LRP2: variants seen among roughly 807,000 people sequenced by gnomAD.
LRP2 encodes low-density lipoprotein receptor-related protein 2.
In LRP2, 172 loss-of-function variants were observed where a neutral mutation model predicts 531.0. The ratio of observed to expected loss-of-function variants is 0.32; its 90% CI spans 0.29 to 0.37. The LOEUF (loss-of-function observed/expected upper bound fraction) is 0.37, where lower values mean the gene tolerates loss of function less well. Ranked by LOEUF, LRP2 falls within the 10% of genes least tolerant of loss-of-function variation. The probability of loss-of-function intolerance (pLI) is 1.00; values close to 1 mark genes in which losing one functional copy is unlikely to be tolerated. For missense variants in LRP2, 5,167 were observed against 5,868.3 expected, an observed-to-expected ratio of 0.88 and a Z score of 3.90; for synonymous variants, 1,992 against 2,027.6, an observed-to-expected ratio of 0.98 and a Z score of 0.47.
chr2:169,193,913 C>T (rs367788312), intron 46 of LRP2, 21 bp from the exon 47 acceptor site: 736 of 1,613,876 alleles, frequency 4.6e-4, no homozygotes, highest in Non-Finnish European at 5.8e-4. Context: ...CAATAGCATT[C>T]TCAGTGAAAA....
intron 59 of LRP2, 31 bp from the exon 60 acceptor site, chr2:169,169,849 G>T: frequency 6.8e-7 from 1 of 1,462,696 alleles, no homozygotes; most frequent in Non-Finnish European, 9.6e-7. Context: ...TTCCGAGAAG[G>T]CCTTGTCATT....
intron 16 of LRP2, among the ~76,000 whole-genome samples, chr2:169,260,870 GAA>G (rs71003072): frequency 6.8e-6 from 1 of 146,670 alleles, no homozygotes; most frequent in African/African-American, 2.5e-5. Flanking sequence ...GGGTACACTA[GAA>G]AAAAAAAAAT....
rs1422253672 is a variant in LRP2 at position 169,173,083 on chromosome 2, T to C, written c.11143+13A>G. 3.1e-6 allele frequency: 5 copies of C among 1,614,192 alleles called. No homozygotes were observed. Among genetic ancestry groups the C allele is most frequent in the Admixed American group, 1.7e-5 (1 of 60,030 alleles). On this transcript the variant is annotated intron_variant, in intron 57 of 78. Coordinates refer to ENST00000649046, the MANE Select transcript of LRP2 (RefSeq NM_004525.3). ...TCTTGTCCCTCCCTCCACTCCCCTGTGGCCCCTCCTACCACAGCCTTGCTC... is the reference window on the plus strand; with the variant it reads ...TCTTGTCCCTCCCTCCACTCCCCTGCGGCCCCTCCTACCACAGCCTTGCTC...
At position 169,216,519 on chromosome 2, in the gene LRP2, A is replaced by C. The variant is rs76772084; in HGVS notation, c.5649-89T>G. 4.1e-3 allele frequency: 5,249 copies of C among 1,282,724 alleles called. 152 individuals carry two copies. In the African/African-American group the frequency reaches 0.068, roughly 17 times the overall value. 79.5% of individuals were successfully genotyped at this position (1,282,724 alleles called of 1,614,324 possible). Reference sequence around the variant, plus strand: ...ATGACAATGTGTATTACTTGTCCTCAAGATGCTCACAATACAATGGGCAAA... The same window carrying C: ...ATGACAATGTGTATTACTTGTCCTCCAGATGCTCACAATACAATGGGCAAA... On this transcript the variant is annotated intron_variant, in intron 34 of 78. Transcript: ENST00000649046.
rs1689862418 is a variant in LRP2 at position 169,242,954 on chromosome 2, A to T, written c.3667+2T>A. On this transcript the variant is annotated splice_donor_variant, in intron 24 of 78. Transcript: ENST00000649046. LOFTEE classifies it high-confidence loss of function. ...GAAACATTCTGGGTATGTGTTACTT[A>T]CGACAGCCTGCTTCATCCGAGTTGT... The T allele has an allele frequency of 6.2e-7, 1 of 1,610,474 alleles. No homozygotes were observed. Among genetic ancestry groups the T allele is most frequent in the Non-Finnish European group, 8.5e-7 (1 of 1,176,726 alleles).
At chr2:169,337,056 C>T (rs369789766) in intron 1 of LRP2, among the ~76,000 whole-genome samples, 4 of 152,130 alleles carry the variant, frequency 2.6e-5, no homozygotes, top group Admixed American at 6.5e-5. Flanking sequence ...CTTCCCCCAC[C>T]GCTGTCTAAA....
Position 169,177,918 on chromosome 2 carries a change from A to G in LRP2, c.10278T>C (p.Asn3426=). 6.2e-7 allele frequency: 1 copy of G among 1,614,214 alleles called. No individual in the cohort carries two copies. Among genetic ancestry groups the G allele is most frequent in the South Asian group, 1.1e-5 (1 of 91,086 alleles). ...TGTTTCCCTTTTCCACTGTCCTTGT[A>G]TTCCAATCTGTCCAATAAATAGTGT... ...FEDTIYWTDW[N]TRTVEKGNKY... Residue 3426 remains asparagine, a synonymous_variant, in exon 53 of 79, where the codon AAT becomes AAC. Transcript: ENST00000649046.
At chr2:169,285,275 G>A (rs1031468621) in intron 9 of LRP2, among the ~76,000 whole-genome samples, 1 of 139,672 alleles carries the variant, frequency 7.2e-6, no homozygotes, top group African/African-American at 2.5e-5. Context: ...CAGCCTGGGC[G>A]ACAGTGAGAC....
intron 16 of LRP2, among the ~76,000 whole-genome samples, chr2:169,260,212 G>A (rs1690490192): frequency 2.0e-5 from 3 of 152,094 alleles, no homozygotes; most frequent in South Asian, 4.1e-4. Flanking sequence ...AGAGGAGGAG[G>A]CAACTAGGCC....
chr2:169,304,126 T>A (rs960257196), intron 4 of LRP2, among the ~76,000 whole-genome samples: 2 of 152,162 alleles, frequency 1.3e-5, no homozygotes, highest in Admixed American at 1.3e-4. Flanking sequence ...ACTTTTATTT[T>A]CCCCAAAGTA....
Position 169,206,076 on chromosome 2 carries a change from A to G in LRP2, c.7503T>C (p.Thr2501=). ...NSMAEDGSNR[T]VIARVPKPRA... ...TTGGTTTTGGAACGCGGGCTATCAC[A>G]GTGCGGTTAGACCCATCTTCAGCCA... Residue 2501 remains threonine (T), a synonymous_variant, in exon 40 of 79, where the codon ACT becomes ACC. Coordinates refer to ENST00000649046, the MANE Select transcript of LRP2 (RefSeq NM_004525.3). The G allele has an allele frequency of 1.2e-6, 2 of 1,614,234 alleles. No individual in the cohort carries two copies. The highest frequency in any genetic ancestry group is 1.7e-6 in the Non-Finnish European group (2 of 1,180,036).
chr2:169,362,340 T>C lies in LRP2; in HGVS notation c.60A>G (p.Leu20=). The C allele has an allele frequency of 5.7e-6, 9 of 1,567,122 alleles. No homozygotes were observed. Among genetic ancestry groups the C allele is most frequent in the Non-Finnish European group, 7.8e-6 (9 of 1,157,490 alleles). Residue 20 remains leucine (L), a synonymous_variant, in exon 1 of 79, where the codon CTA becomes CTG. Coordinates refer to ENST00000649046, the MANE Select transcript of LRP2 (RefSeq NM_004525.3). The stretch of plus-strand genomic sequence containing the variant: ...TCTTACCTTGGCCACTGGCCGGCGC[T>C]AGGCAGGCGACGAGAGCCAGGAGCA... ...CTLLLALVAC[L]APASGQECDS...
At chr2:169,156,788 G>A (rs1250195358) in intron 64 of LRP2, among the ~76,000 whole-genome samples, 2 of 152,146 alleles carry the variant, frequency 1.3e-5, no homozygotes, top group African/African-American at 4.8e-5. Context: ...TTCAGGAACA[G>A]GAGTCATTGA....
chr2:169,165,813 A>G, intron 62 of LRP2, 119 bp downstream of exon 62: 1 of 1,186,674 alleles, frequency 8.4e-7, no homozygotes, highest in Non-Finnish European at 1.3e-6. Flanking sequence ...ATGTCAGCAG[A>G]GATCTGCAGT....
chr2:169,362,170 G>T, intron 1 of LRP2, 151 bp downstream of exon 1: 2 of 617,820 alleles, frequency 3.2e-6, no homozygotes, highest in South Asian at 4.4e-5. Flanking sequence ...GCTTCGCGAA[G>T]CAACCTGAGC....
At chr2:169,264,450 G>A (rs1261522246) in intron 16 of LRP2, among the ~76,000 whole-genome samples, 2 of 151,882 alleles carry the variant, frequency 1.3e-5, no homozygotes, top group Non-Finnish European at 2.9e-5. Context: ...CGACTGCAGT[G>A]CTCCAAGCTC....
Position 169,176,347 on chromosome 2 carries a change from C to T in LRP2, c.10571+64G>A, listed in dbSNP as rs1687192518. Reference sequence around the variant, plus strand: ...CTAGAAAACTCCCATCCCTTGGAGCCTTGAAGGTCAATGTCTGTCCACGGG... The same window carrying T: ...CTAGAAAACTCCCATCCCTTGGAGCTTTGAAGGTCAATGTCTGTCCACGGG... On this transcript the variant is annotated intron_variant, in intron 54 of 78. Coordinates refer to ENST00000649046, the MANE Select transcript of LRP2 (RefSeq NM_004525.3). 11 of 1,598,712 alleles carry T rather than the reference C, an allele frequency of 6.9e-6. No individual in the cohort carries two copies. The South Asian group carries it at 1.2e-4, about 18-fold the overall frequency.
intron 1 of LRP2, among the ~76,000 whole-genome samples, chr2:169,352,829 C>T (rs1685887035): frequency 6.6e-6 from 1 of 150,494 alleles, no homozygotes; most frequent in Non-Finnish European, 1.5e-5. Flanking sequence ...GGGGGGGGAA[C>T]ATCACACACA....
intron 46 of LRP2, 120 bp downstream of exon 46, chr2:169,196,791 C>T: frequency 7.2e-7 from 1 of 1,386,796 alleles, no homozygotes; most frequent in Non-Finnish European, 1.0e-6. Flanking sequence ...CAGATGAAAG[C>T]TGGGACAGGA....
Sources: gnomAD v4.1 joint callset for allele counts (sites outside exome capture counted in the v4.1 genomes callset) on GRCh38, gnomAD v4.1.1 for gene constraint, MANE v1.5 for transcripts, NCBI Gene and HGNC (gene_info 2026-07-23, HGNC 2026-07-21) for gene names.